Variants in BTG3 observed in about 807,000 individuals in gnomAD.
The protein encoded by BTG3 is protein BTG3.
In BTG3, 4 loss-of-function variants were observed where a neutral mutation model predicts 25.8. That is an observed-to-expected ratio of 0.16 (90% confidence interval 0.08 to 0.36). The LOEUF is 0.36. Among genes scored for constraint, BTG3 ranks in the 10% least tolerant of loss-of-function variants. BTG3 has a pLI of 1.00. For missense variants in BTG3, 201 were observed against 304.9 expected (o/e 0.66, Z 2.54); for synonymous variants, 107 against 99.9 (o/e 1.07, Z -0.42).
rs757368837 is a variant in BTG3 at position 17,594,101 on chromosome 21, G to A, written c.751C>T (p.Pro251Ser). The change falls in exon 5 of 5, where the codon CCT becomes TCT. Residue 251 changes from proline (P) to serine (S), a missense_variant. Around this residue, in one of 2 missense-constraint regions of BTG3, gnomAD observed 131 missense variants for 129.3 expected, o/e 1.01. Transcript: ENST00000348354. Reference sequence around the variant, plus strand: ...CACAATCAAAAACGAAGTTAGTGAGGTGCTAACATGTGAGGATTAATCCAG... The same window carrying A: ...CACAATCAAAAACGAAGTTAGTGAGATGCTAACATGTGAGGATTAATCCAG... ...NHWINPHMLAPH is the reference protein window; with the variant it reads ...NHWINPHMLASH 2.2e-5 allele frequency: 35 copies of A among 1,612,710 alleles called. No homozygotes were observed. Among genetic ancestry groups the A allele is most frequent in the Non-Finnish European group, 3.0e-5 (35 of 1,179,150 alleles).
Position 17,593,993 on chromosome 21 carries a change from CT to C in BTG3, c.*99del. ...AAATAAGTTTGATGGTTTGGCCCAT[CT>C]AACTTCACTACTATTAGTAAGAACT... On this transcript the variant is annotated 3_prime_UTR_variant, in exon 5 of 5. Coordinates refer to ENST00000348354, the MANE Select transcript of BTG3 (RefSeq NM_006806.5). 1 of 1,398,242 alleles carries C rather than the reference CT, an allele frequency of 7.2e-7. No individual in the cohort carries two copies. The highest frequency in any genetic ancestry group is 9.6e-7 in the Non-Finnish European group (1 of 1,045,704). 86.6% of individuals were successfully genotyped at this position (1,398,242 alleles called of 1,614,324 possible). A position where few individuals can be genotyped will look rare whatever the true frequency, so the allele number is the denominator to read the frequency against.
At chr21:17,597,123 G>A (rs1289531137) in intron 4 of BTG3, among the ~76,000 whole-genome samples, 2 of 151,998 alleles carry the variant, frequency 1.3e-5, no homozygotes, top group African/African-American at 2.4e-5. Flanking sequence ...TAAAAAGCAC[G>A]TAAGAGACAC....
intron 1 of BTG3, chr21:17,612,313 T>A (rs2061741358): frequency 6.6e-6 from 1 of 151,882 alleles, no homozygotes; most frequent in Admixed American, 6.5e-5. Flanking sequence ...GAGGCGCGAC[T>A]CTCCAGCAAA....
chr21:17,604,193 A>T, intron 3 of BTG3: 1 of 1,210,396 alleles, frequency 8.3e-7, no homozygotes. Context: ...CCTGTAATCC[A>T]GCGCTTTGGG....
intron 4 of BTG3, 108 bp from the exon 5 acceptor site, chr21:17,594,440 T>A (rs1394177631): frequency 3.9e-6 from 5 of 1,293,666 alleles, no homozygotes; most frequent in Non-Finnish European, 5.3e-6. Context: ...TGAGATCACA[T>A]CTAAGTGACA....
chr21:17,598,560 GA>G, intron 4 of BTG3, 56 bp downstream of exon 4: 2 of 1,466,880 alleles, frequency 1.4e-6, no homozygotes, highest in Non-Finnish European at 9.4e-7. Context: ...AGGACTACCT[GA>G]AAGGTCCTGG....
At chr21:17,594,437 AC>A in intron 4 of BTG3, 105 bp from the exon 5 acceptor site, 1 of 1,288,490 alleles carries the variant, frequency 7.8e-7, no homozygotes, top group African/African-American at 1.5e-5. Context: ...CACTGAGATC[AC>A]ATCTAAGTGA....
chr21:17,609,147 T>A lies in BTG3; in HGVS notation c.-3A>T. ...ACGGCAGCAATTTCATTCTTCATTT[T>A]TTTCCCTGCAAAGATAAAACATGTT... is the stretch of plus-strand genomic sequence containing the variant. On this transcript the variant is annotated 5_prime_UTR_variant, in exon 2 of 5. Coordinates refer to ENST00000348354, the MANE Select transcript of BTG3 (RefSeq NM_006806.5). 6.2e-7 allele frequency: 1 copy of A among 1,605,164 alleles called. No individual in the cohort carries two copies. Among genetic ancestry groups the A allele is most frequent in the Non-Finnish European group, 8.5e-7 (1 of 1,177,880 alleles).
In BTG3 at chr21:17,594,257, T is replaced by C. The variant is rs182523222; in HGVS notation, c.595A>G (p.Asn199Asp). The change falls in exon 5 of 5, where the codon AAT becomes GAT. Residue 199 changes from asparagine (N) to aspartate (D), a missense_variant. Transcript: ENST00000348354. ...GGAGGATAGTGATTCTGATGGCCAT[T>C]CCCTCGATACATTCCTGGCTTTTTT... ...PRKKPGMYRG[N>D]GHQNHYPPPV... 6.2e-7 allele frequency: 1 copy of C among 1,613,254 alleles called. No individual in the cohort carries two copies. The highest frequency in any genetic ancestry group is 2.2e-5 in the East Asian group (1 of 44,848).
chr21:17,601,534 C>CAA (rs2061574580), intron 3 of BTG3, among the ~76,000 whole-genome samples: 1 of 152,096 alleles, frequency 6.6e-6, no homozygotes, highest in Non-Finnish European at 1.5e-5. Context: ...TAAAACAAAA[C>CAA]AAAACAAACA....
Position 17,593,920 on chromosome 21 carries a change from A to G in BTG3, c.*173T>C. 3 of 836,466 alleles carry G rather than the reference A, an allele frequency of 3.6e-6. No homozygotes were observed. The highest frequency in any genetic ancestry group is 3.5e-6 in the Non-Finnish European group (2 of 570,674). 51.8% of individuals were successfully genotyped at this position (836,466 alleles called of 1,614,324 possible). On this transcript the variant is annotated 3_prime_UTR_variant, in exon 5 of 5. Coordinates refer to ENST00000348354, the MANE Select transcript of BTG3 (RefSeq NM_006806.5). Reference sequence around the variant, plus strand: ...AATTTCTCAAACTATATCAATATCTAAAGTGCATATATTTTTTAAGAAAGA... The same window carrying G: ...AATTTCTCAAACTATATCAATATCTGAAGTGCATATATTTTTTAAGAAAGA...
At chr21:17,602,486 T>G (rs2061586545) in intron 3 of BTG3, among the ~76,000 whole-genome samples, 1 of 152,204 alleles carries the variant, frequency 6.6e-6, no homozygotes, top group South Asian at 2.1e-4. Context: ...TGTTTCCAGT[T>G]TTGGTGAAAA....
chr21:17,605,707 C>T (rs1298564707), intron 2 of BTG3, among the ~76,000 whole-genome samples: 1 of 152,004 alleles, frequency 6.6e-6, no homozygotes, highest in Non-Finnish European at 1.5e-5. Context: ...ACGACATCTA[C>T]CTAATGGAAT....
chr21:17,611,626 C>T (rs1226910931), intron 1 of BTG3: 1 of 152,262 alleles, frequency 6.6e-6, no homozygotes, highest in Non-Finnish European at 1.5e-5. Context: ...AGACCTCAGG[C>T]GTCTTGAGTA....
chr21:17,608,373 C>CA (rs36108840), intron 2 of BTG3, among the ~76,000 whole-genome samples: 28,904 of 136,824 alleles, frequency 0.21, 2,868 homozygotes, highest in East Asian at 0.36. Context: ...AACAATACCA[C>CA]AAAAAAAAAA....
intron 4 of BTG3, among the ~76,000 whole-genome samples, chr21:17,597,111 C>T (rs1444921559): frequency 6.6e-6 from 1 of 151,984 alleles, no homozygotes; most frequent in African/African-American, 2.4e-5. Flanking sequence ...AAATGTTTTC[C>T]TTAAAAAGCA....
chr21:17,598,553 A>G, intron 4 of BTG3, 64 bp downstream of exon 4: 1 of 1,380,592 alleles, frequency 7.2e-7, no homozygotes, highest in Non-Finnish European at 1.0e-6. Context: ...GCCAAGTAGG[A>G]CTACCTGAAA....
At position 17,593,982 on chromosome 21, in the gene BTG3, G is replaced by T; in HGVS notation, c.*111C>A. The T allele has an allele frequency of 1.6e-6, 2 of 1,270,238 alleles. No individual in the cohort carries two copies. The highest frequency in any genetic ancestry group is 2.1e-6 in the Non-Finnish European group (2 of 939,140). The allele number at this position is 1,270,238 out of a possible 1,614,324, so 78.7% of individuals were successfully genotyped here. On this transcript the variant is annotated 3_prime_UTR_variant, in exon 5 of 5. Transcript: ENST00000348354. Reference sequence around the variant, plus strand: ...AACTTCTATAAAAATAAGTTTGATGGTTTGGCCCATCTAACTTCACTACTA... The same window carrying T: ...AACTTCTATAAAAATAAGTTTGATGTTTTGGCCCATCTAACTTCACTACTA...
At chr21:17,600,707 G>A (rs943377841) in intron 3 of BTG3, among the ~76,000 whole-genome samples, 1 of 151,968 alleles carries the variant, frequency 6.6e-6, no homozygotes, top group African/African-American at 2.4e-5. Context: ...AAAAGAAAAT[G>A]TATGTGGAAA....
Sources: gnomAD v4.1 joint callset for allele counts (sites outside exome capture counted in the v4.1 genomes callset) on GRCh38, gnomAD v4.1.1 for gene constraint, gnomAD v4.1.1 regional missense constraint, MANE v1.5 for transcripts, NCBI Gene and HGNC (gene_info 2026-07-23, HGNC 2026-07-21) for gene names.